Variants in SORCS1 observed in about 807,000 individuals in gnomAD.
SORCS1 encodes sortilin related VPS10 domain containing receptor 1, also known as VPS10 domain-containing receptor SorCS1.
SORCS1 carries 60 observed loss-of-function variants against 146.1 expected under a neutral mutation model. That is an observed-to-expected ratio of 0.41 (90% confidence interval 0.33 to 0.51). The LOEUF (loss-of-function observed/expected upper bound fraction) is 0.51. Ranked by LOEUF, SORCS1 falls within the 20% of genes least tolerant of loss-of-function variation. The pLI is 0.21. For missense variants in SORCS1, 1,352 were observed against 1,487.6 expected, an observed-to-expected ratio of 0.91 and a Z score of 1.50; for synonymous variants, 637 against 584.0, an observed-to-expected ratio of 1.09 and a Z score of -1.31.
chr10:106,982,582 C>T (rs1303567594), intron 1 of SORCS1, among the ~76,000 whole-genome samples: 1 of 152,218 alleles, frequency 6.6e-6, no homozygotes, highest in African/African-American at 2.4e-5. Context: ...TCGAACTCAA[C>T]ATTTAAGAAC....
At chr10:106,835,385 AT>A (rs1269434808) in intron 2 of SORCS1, among the ~76,000 whole-genome samples, 1 of 152,060 alleles carries the variant, frequency 6.6e-6, no homozygotes, top group Non-Finnish European at 1.5e-5. Flanking sequence ...ATTTTCTAAC[AT>A]TTTTTTCTTG....
intron 1 of SORCS1, among the ~76,000 whole-genome samples, chr10:107,161,927 A>AG (rs1340983752): frequency 1.3e-5 from 2 of 152,192 alleles, no homozygotes; most frequent in Non-Finnish European, 2.9e-5. Flanking sequence ...AAGAGACTTC[A>AG]GGGGGCAGAA....
At chr10:106,829,541 G>T in intron 3 of SORCS1, 33 bp downstream of exon 3, 1 of 1,490,974 alleles carries the variant, frequency 6.7e-7, no homozygotes, top group Non-Finnish European at 9.2e-7. Flanking sequence ...GTCACATCAT[G>T]AATGAGTAGC....
In SORCS1 at chr10:106,927,345, C is replaced by T. The variant is rs372697871; in HGVS notation, c.626+29168G>A. Among the ~76,000 whole-genome samples, 8 of 151,714 alleles carry T rather than the reference C, an allele frequency of 5.3e-5. No homozygotes were observed. In the East Asian group the frequency reaches 7.8e-4, roughly 15 times the overall value. The stretch of plus-strand genomic sequence containing the variant: ...CAGATGAGTGTTACAGCTTTTAAGG[C>T]GGCGCGTCTGGAGTTGTTCCTTCCT... On this transcript the variant is annotated intron_variant, in intron 2 of 25. Coordinates refer to ENST00000263054, the MANE Select transcript of SORCS1 (RefSeq NM_052918.5).
chr10:106,902,558 T>G (rs1951752402), intron 2 of SORCS1, among the ~76,000 whole-genome samples: 1 of 152,196 alleles, frequency 6.6e-6, no homozygotes, highest in South Asian at 2.1e-4. Context: ...ATATATGGCA[T>G]GAACTTATTT....
chr10:107,021,495 C>T (rs1958131955), intron 1 of SORCS1, among the ~76,000 whole-genome samples: 1 of 108,442 alleles, frequency 9.2e-6, no homozygotes, highest in Non-Finnish European at 1.7e-5. Context: ...GTCTAGGCAA[C>T]AGAGCGACAC....
intron 1 of SORCS1, among the ~76,000 whole-genome samples, chr10:107,021,513 CAAAAAAAAAAAAAAAAAA>C (rs869141427): frequency 5.8e-5 from 4 of 68,628 alleles, no homozygotes; most frequent in African/African-American, 1.7e-4. Context: ...CACTCCGTCT[CAAAAAAAAAAAAAAAAAA>C]AAAAAAAAAA....
chr10:106,828,974 T>C (rs1453070564), intron 3 of SORCS1, among the ~76,000 whole-genome samples: 1 of 152,152 alleles, frequency 6.6e-6, no homozygotes, highest in African/African-American at 2.4e-5. Context: ...TTCTTATCTG[T>C]AAAATAACGG....
intron 2 of SORCS1, among the ~76,000 whole-genome samples, chr10:106,880,820 G>A (rs995616119): frequency 6.6e-6 from 1 of 152,082 alleles, no homozygotes; most frequent in Non-Finnish European, 1.5e-5. Flanking sequence ...CGGGCACGGT[G>A]GCTCACGCCT....
At chr10:106,619,140 TA>T (rs541451695) in intron 20 of SORCS1, among the ~76,000 whole-genome samples, 3 of 151,600 alleles carry the variant, frequency 2.0e-5, no homozygotes, top group African/African-American at 7.3e-5. Flanking sequence ...AAAGGAAAAA[TA>T]AAAAAAATAA....
At chr10:107,071,903 GA>G (rs1285824004) in intron 1 of SORCS1, among the ~76,000 whole-genome samples, 1 of 152,218 alleles carries the variant, frequency 6.6e-6, no homozygotes, top group Admixed American at 6.5e-5. Flanking sequence ...GGGCTGAGGG[GA>G]AAATGGAAAC....
intron 1 of SORCS1, among the ~76,000 whole-genome samples, chr10:107,008,455 T>C (rs1323693786): frequency 2.6e-5 from 4 of 152,254 alleles, no homozygotes; most frequent in Admixed American, 6.5e-5. Context: ...TAAAATGCAG[T>C]TGTAGCATTT....
At chr10:106,782,046 G>A (rs989964118) in intron 3 of SORCS1, among the ~76,000 whole-genome samples, 4 of 152,154 alleles carry the variant, frequency 2.6e-5, no homozygotes, top group African/African-American at 9.7e-5. Context: ...GCTTACCTAT[G>A]TGCCATCTTT....
intron 1 of SORCS1, among the ~76,000 whole-genome samples, chr10:107,062,580 C>T (rs1268608282): frequency 6.6e-6 from 1 of 152,102 alleles, no homozygotes; most frequent in African/African-American, 2.4e-5. Flanking sequence ...TTAATGCAGC[C>T]TAGCTGGGAC....
At chr10:106,897,547 G>T (rs1951536683) in intron 2 of SORCS1, among the ~76,000 whole-genome samples, 1 of 151,916 alleles carries the variant, frequency 6.6e-6, no homozygotes, top group African/African-American at 2.4e-5. Context: ...CAGCTTTTGT[G>T]GTTGGGTTTT....
intron 13 of SORCS1, 138 bp from the exon 14 acceptor site, chr10:106,675,294 A>G (rs1851942235): frequency 1.1e-5 from 7 of 618,710 alleles, no homozygotes; most frequent in East Asian, 2.8e-5. Flanking sequence ...TTTCATATGA[A>G]TAAGTATTCT....
chr10:106,782,596 G>A (rs943562104), intron 3 of SORCS1, among the ~76,000 whole-genome samples: 4 of 152,194 alleles, frequency 2.6e-5, no homozygotes, highest in African/African-American at 9.6e-5. Flanking sequence ...TATCAGGAAT[G>A]ACAACATATG....
chr10:106,657,657 CTA>C (rs1013189321), intron 17 of SORCS1, among the ~76,000 whole-genome samples: 30 of 57,132 alleles, frequency 5.3e-4, no homozygotes, highest in South Asian at 2.9e-3. Flanking sequence ...ATATATAACA[CTA>C]TATGTGTGTG....
intron 3 of SORCS1, among the ~76,000 whole-genome samples, chr10:106,822,830 G>A (rs923405745): frequency 3.6e-5 from 5 of 140,788 alleles, no homozygotes; most frequent in African/African-American, 1.4e-4. Flanking sequence ...GCCCAGGCTG[G>A]AGTGCAGTGG....
Sources: gnomAD v4.1 joint callset for allele counts (sites outside exome capture counted in the v4.1 genomes callset) on GRCh38, gnomAD v4.1.1 for gene constraint, MANE v1.5 for transcripts, NCBI Gene and HGNC (gene_info 2026-07-23, HGNC 2026-07-21) for gene names.